Variants in ZNF787 observed in about 807,000 individuals in gnomAD.
The protein encoded by ZNF787 is zinc finger protein 787, also known as TTF-I-interacting peptide 20.
Under a neutral mutation model 16.9 loss-of-function variants are expected in ZNF787, and 7 were observed. The ratio of observed to expected loss-of-function variants is 0.42; its 90% confidence interval spans 0.24 to 0.78. ZNF787 has a LOEUF of 0.78. ZNF787 is among the 30% of genes least tolerant of loss of function. ZNF787 has a pLI of 0.30. For missense variants in ZNF787, 551 were observed against 589.3 expected (o/e 0.94, Z 0.67); for synonymous variants, 345 against 270.9 (o/e 1.27, Z -2.69).
intron 2 of ZNF787, among the ~76,000 whole-genome samples, chr19:56,095,668 G>C (rs1386010230): frequency 6.6e-6 from 1 of 152,218 alleles, no homozygotes; most frequent in African/African-American, 2.4e-5. Context: ...CCTCACATGA[G>C]GTTCTGCCCT....
chr19:56,100,455 G>T (rs562907), intron 2 of ZNF787, among the ~76,000 whole-genome samples: 1 of 152,080 alleles, frequency 6.6e-6, no homozygotes, highest in Admixed American at 6.5e-5. Flanking sequence ...CGCTAATTCC[G>T]CAGAAGAGGC....
In ZNF787 at chr19:56,087,727, T is replaced by A; in HGVS notation, c.*296A>T. The A allele has an allele frequency of 4.2e-6, 1 of 238,072 alleles. No homozygotes were observed. Among genetic ancestry groups the A allele is most frequent in the Non-Finnish European group, 7.6e-6 (1 of 131,634 alleles). 14.7% of individuals were successfully genotyped at this position (238,072 alleles called of 1,614,324 possible). A position where few individuals can be genotyped will look rare whatever the true frequency, so the allele number is the denominator to read the frequency against. On this transcript the variant is annotated 3_prime_UTR_variant, in exon 3 of 3. Coordinates refer to ENST00000610935, the MANE Select transcript of ZNF787 (RefSeq NM_001002836.4). ...GGAAAATGGCCTTCCGCTTGGGGCCTGGTCGCCACTCGGCCTCTGCAGTTC... is the reference window on the plus strand; with the variant it reads ...GGAAAATGGCCTTCCGCTTGGGGCCAGGTCGCCACTCGGCCTCTGCAGTTC...
In ZNF787 at chr19:56,088,809, G is replaced by A; in HGVS notation, c.363C>T (p.Pro121=). The A allele has an allele frequency of 1.2e-6, 2 of 1,612,302 alleles. No individual in the cohort carries two copies. Among genetic ancestry groups the A allele is most frequent in the Non-Finnish European group, 1.7e-6 (2 of 1,179,284 alleles). Residue 121 remains proline (P), a synonymous_variant, in exon 3 of 3, where the codon CCC becomes CCT. Transcript: ENST00000610935. The surrounding 1 kb of genome is among the most constrained non-coding windows in gnomAD (Gnocchi z 8.6). The part of the protein sequence containing the change: ...QHRRIHTGEK[P]YACLECGKRF... ...GCTTGCCGCACTCCAAGCAGGCGTAGGGCTTCTCGCCCGTGTGGATGCGCC... is the reference window on the plus strand; with the variant it reads ...GCTTGCCGCACTCCAAGCAGGCGTAAGGCTTCTCGCCCGTGTGGATGCGCC...
At position 56,087,462 on chromosome 19, in the gene ZNF787, T is replaced by G. The variant is rs1429212531; in HGVS notation, c.*561A>C. On this transcript the variant is annotated 3_prime_UTR_variant, in exon 3 of 3. Transcript: ENST00000610935. Reference sequence around the variant, plus strand: ...CACCCGCCTCCTGCGGCGCTGCCTCTGCTACCCGGAATCCAGGAGGGGAAG... The same window carrying G: ...CACCCGCCTCCTGCGGCGCTGCCTCGGCTACCCGGAATCCAGGAGGGGAAG... 2 of 152,200 alleles carry G rather than the reference T, an allele frequency of 1.3e-5. No homozygotes were observed. Among genetic ancestry groups the G allele is most frequent in the Non-Finnish European group, 2.9e-5 (2 of 68,090 alleles). 9.4% of individuals were successfully genotyped at this position (152,200 alleles called of 1,614,324 possible).
At chr19:56,096,086 T>A (rs1985856376) in intron 2 of ZNF787, among the ~76,000 whole-genome samples, 3 of 152,156 alleles carry the variant, frequency 2.0e-5, no homozygotes, top group South Asian at 4.2e-4. Flanking sequence ...TGCTCTGCCA[T>A]CACCCAACAC....
chr19:56,115,105 C>G (rs1231992561), intron 1 of ZNF787, among the ~76,000 whole-genome samples: 1 of 152,020 alleles, frequency 6.6e-6, no homozygotes, highest in South Asian at 2.1e-4. Context: ...TGTGACACCA[C>G]GGAGATCCCA....
chr19:56,112,658 C>T (rs2030014765), intron 1 of ZNF787, among the ~76,000 whole-genome samples: 1 of 151,336 alleles, frequency 6.6e-6, no homozygotes. Flanking sequence ...CCCCCAGTCT[C>T]TTATTCCTTC....
In ZNF787 at chr19:56,087,913, G is replaced by T. The variant is rs564160359; in HGVS notation, c.*110C>A. The T allele has an allele frequency of 3.1e-6, 4 of 1,275,586 alleles. No individual in the cohort carries two copies. Among genetic ancestry groups the T allele is most frequent in the Middle Eastern group, 3.0e-4 (1 of 3,286 alleles). 79.0% of individuals were successfully genotyped at this position (1,275,586 alleles called of 1,614,324 possible). A position where few individuals can be genotyped will look rare whatever the true frequency, so the allele number is the denominator to read the frequency against. ...AGGAGGGCGGGGAGCCGGGGATGCC[G>T]CGGGGTCCATCGCACCCCGTCCGCT... On this transcript the variant is annotated 3_prime_UTR_variant, in exon 3 of 3. Transcript: ENST00000610935.
chr19:56,120,566 T>C (rs1051420613), intron 1 of ZNF787, among the ~76,000 whole-genome samples: 1 of 152,112 alleles, frequency 6.6e-6, no homozygotes, highest in African/African-American at 2.4e-5. Flanking sequence ...ATTACCCGCC[T>C]GATCAAAGGC....
intron 1 of ZNF787, among the ~76,000 whole-genome samples, chr19:56,108,229 C>T (rs2029884367): frequency 6.6e-6 from 1 of 151,872 alleles, no homozygotes; most frequent in Non-Finnish European, 1.5e-5. Flanking sequence ...CAGCCCCTGC[C>T]CAGTGCTCCC....
At chr19:56,091,752 A>G (rs1308493201) in intron 2 of ZNF787, among the ~76,000 whole-genome samples, 1 of 152,212 alleles carries the variant, frequency 6.6e-6, no homozygotes, top group Admixed American at 6.5e-5. Flanking sequence ...GCTCTTTTAC[A>G]TCTTGCAGAT....
chr19:56,120,893 G>C (rs1171777625), intron 1 of ZNF787, among the ~76,000 whole-genome samples: 2 of 115,518 alleles, frequency 1.7e-5, no homozygotes, highest in African/African-American at 6.7e-5. Flanking sequence ...CCTGGACCCG[G>C]ACCCGCGCAC....
At chr19:56,092,907 CAG>C (rs1398063753) in intron 2 of ZNF787, among the ~76,000 whole-genome samples, 39 of 150,570 alleles carry the variant, frequency 2.6e-4, no homozygotes, top group African/African-American at 8.6e-4. Context: ...CCCATAGACA[CAG>C]GGGGTGGCGG....
chr19:56,105,830 C>CT (rs1986281262), intron 1 of ZNF787, among the ~76,000 whole-genome samples: 1 of 152,206 alleles, frequency 6.6e-6, no homozygotes, highest in Admixed American at 6.5e-5. Context: ...CCACAATCAA[C>CT]TTTACAACAA....
At position 56,087,899 on chromosome 19, in the gene ZNF787, G is replaced by A. The variant is rs1336504935; in HGVS notation, c.*124C>T. 5 of 1,270,680 alleles carry A rather than the reference G, an allele frequency of 3.9e-6. No individual in the cohort carries two copies. Among genetic ancestry groups the A allele is most frequent in the African/African-American group, 1.6e-5 (1 of 62,840 alleles). 78.7% of individuals were successfully genotyped at this position (1,270,680 alleles called of 1,614,324 possible). A position where few individuals can be genotyped will look rare whatever the true frequency, so the allele number is the denominator to read the frequency against. On this transcript the variant is annotated 3_prime_UTR_variant, in exon 3 of 3. Coordinates refer to ENST00000610935, the MANE Select transcript of ZNF787 (RefSeq NM_001002836.4). ...CGGCGCAGGGACAGAGGAGGGCGGG[G>A]AGCCGGGGATGCCGCGGGGTCCATC...
At chr19:56,089,849 T>A (rs116619486) in intron 2 of ZNF787, among the ~76,000 whole-genome samples, 3,515 of 152,264 alleles carry the variant, frequency 0.023, 134 homozygotes, top group African/African-American at 0.08. Context: ...CCTTTCACAC[T>A]TCTGCACCAG....
At chr19:56,106,202 G>C (rs1331563395) in intron 1 of ZNF787, among the ~76,000 whole-genome samples, 1 of 152,208 alleles carries the variant, frequency 6.6e-6, no homozygotes, top group Non-Finnish European at 1.5e-5. Flanking sequence ...CACAGGAGAG[G>C]GACAGCATCT....
intron 2 of ZNF787, among the ~76,000 whole-genome samples, chr19:56,100,850 T>C (rs112782199): frequency 2.3e-5 from 3 of 128,702 alleles, no homozygotes; most frequent in African/African-American, 6.0e-5. Context: ...CTACGATGTC[T>C]GTCACTGTCA....
At position 56,087,644 on chromosome 19, in the gene ZNF787, G is replaced by C. The variant is rs1292064185; in HGVS notation, c.*379C>G. The C allele has an allele frequency of 3.4e-5, 6 of 176,666 alleles. No individual in the cohort carries two copies. The highest frequency in any genetic ancestry group is 5.9e-5 in the Non-Finnish European group (5 of 84,422). 10.9% of individuals were successfully genotyped at this position (176,666 alleles called of 1,614,324 possible). A position where few individuals can be genotyped will look rare whatever the true frequency, so the allele number is the denominator to read the frequency against. Reference sequence around the variant, plus strand: ...TCTCTGGGATCCTCTAAAGGGCCTGGTTTCTCCATTCCTCGCAGCACCCCC... The same window carrying C: ...TCTCTGGGATCCTCTAAAGGGCCTGCTTTCTCCATTCCTCGCAGCACCCCC... On this transcript the variant is annotated 3_prime_UTR_variant, in exon 3 of 3. Transcript: ENST00000610935.
Sources: allele counts gnomAD v4.1 joint callset (sites outside exome capture counted in the v4.1 genomes callset), GRCh38; gene constraint gnomAD v4.1.1; non-coding constraint Gnocchi (gnomAD v3.1); transcripts MANE v1.5; gene names NCBI Gene and HGNC (gene_info 2026-07-23, HGNC 2026-07-21).